Variants in CRIP1 observed in about 807,000 individuals in gnomAD.
CRIP1 encodes the protein cysteine-rich protein 1.
Under a neutral mutation model 12.9 loss-of-function variants are expected in CRIP1, and 11 were observed. The observed-to-expected ratio is 0.86, with a 90% CI of 0.54 to 1.42. The LOEUF is 1.42. Ranked by LOEUF, CRIP1 falls within the 40% of genes most tolerant of loss-of-function variation. The pLI is 0.00. For synonymous variants in CRIP1, 41 were observed against 37.2 expected, an observed-to-expected ratio of 1.10 and a Z score of -0.37; for missense variants, 122 against 101.3, an observed-to-expected ratio of 1.20 and a Z score of -0.88.
rs1404215790 is a variant in CRIP1 at position 105,488,650 on chromosome 14, T to C, written c.*6-13T>C. 3.2e-6 allele frequency: 3 copies of C among 936,880 alleles called. No homozygotes were observed. The highest frequency in any genetic ancestry group is 4.8e-5 in the Admixed American group (2 of 41,596). 58.0% of individuals were successfully genotyped at this position (936,880 alleles called of 1,614,324 possible). On this transcript the variant is annotated splice_polypyrimidine_tract_variant and intron_variant, in intron 5 of 5. Coordinates refer to ENST00000392531, the MANE Select transcript of CRIP1 (RefSeq NM_001311.5). ...CGCTGCACTCACGTCTGTGCCTGTC[T>C]CTCTCTGCACAGGTGGTGGAGACCC...
chr14:105,488,122 C>T lies in CRIP1; in HGVS notation c.41-44C>T, dbSNP rs370248457. ...GGGTACGCCAGTGGTGGGTAGGCGCCGCGTCCTGCAGCGTCTCACCGGGGC... is the reference window on the plus strand; with the variant it reads ...GGGTACGCCAGTGGTGGGTAGGCGCTGCGTCCTGCAGCGTCTCACCGGGGC... On this transcript the variant is annotated intron_variant, in intron 2 of 5. Coordinates refer to ENST00000392531, the MANE Select transcript of CRIP1 (RefSeq NM_001311.5). 33 of 1,579,988 alleles carry T rather than the reference C, an allele frequency of 2.1e-5. 1 individual carries two copies. The highest frequency in any genetic ancestry group is 1.7e-4 in the South Asian group (15 of 88,086).
In CRIP1 at chr14:105,488,647, GTCTC is replaced by G; in HGVS notation, c.*6-10_*6-7del. 3.2e-6 allele frequency: 3 copies of G among 947,808 alleles called. No individual in the cohort carries two copies. Among genetic ancestry groups the G allele is most frequent in the Non-Finnish European group, 4.8e-6 (3 of 620,836 alleles). The allele number at this position is 947,808 out of a possible 1,614,324, so 58.7% of individuals were successfully genotyped here. ...GGACGCTGCACTCACGTCTGTGCCT[GTCTC>G]TCTCTGCACAGGTGGTGGAGACCCC... On this transcript the variant is annotated splice_polypyrimidine_tract_variant and intron_variant, in intron 5 of 5. Coordinates refer to ENST00000392531, the MANE Select transcript of CRIP1 (RefSeq NM_001311.5).
At chr14:105,487,372 G>A (rs1384461865) in intron 2 of CRIP1, 73 bp downstream of exon 2, 3 of 1,373,472 alleles carry the variant, frequency 2.2e-6, no homozygotes, top group Non-Finnish European at 3.0e-6. Context: ...CGCTCAGGAG[G>A]ACCGGGGGCG....
intron 2 of CRIP1, chr14:105,487,577 C>A: frequency 2.5e-6 from 1 of 396,958 alleles, no homozygotes; most frequent in African/African-American, 2.1e-5. Flanking sequence ...GCCGTTTCCT[C>A]TCAGGCGCGC....
At chr14:105,487,158 C>CG in intron 1 of CRIP1, 41 bp from the exon 2 acceptor site, 15 of 1,486,862 alleles carry the variant, frequency 1.0e-5, no homozygotes, top group South Asian at 2.6e-5. Flanking sequence ...GGCGGGGTCC[C>CG]GGGGTCCCTG....
At position 105,487,213 on chromosome 14, in the gene CRIP1, C is replaced by T. The variant is rs2084128852; in HGVS notation, c.-47C>T. Reference sequence around the variant, plus strand: ...GATCCACCCAGTCTCGCGCCTGCAGCCCGTGCCGCCCCAGCCGCTGCCGCC... The same window carrying T: ...GATCCACCCAGTCTCGCGCCTGCAGTCCGTGCCGCCCCAGCCGCTGCCGCC... On this transcript the variant is annotated 5_prime_UTR_variant, in exon 2 of 6. Coordinates refer to ENST00000392531, the MANE Select transcript of CRIP1 (RefSeq NM_001311.5). 2 of 1,539,070 alleles carry T rather than the reference C, an allele frequency of 1.3e-6. No homozygotes were observed. Among genetic ancestry groups the T allele is most frequent in the East Asian group, 2.5e-5 (1 of 39,920 alleles).
intron 2 of CRIP1, 69 bp downstream of exon 2, chr14:105,487,368 G>A: frequency 1.1e-5 from 16 of 1,402,174 alleles, no homozygotes; most frequent in Non-Finnish European, 1.4e-5. Flanking sequence ...GGACCGCTCA[G>A]GAGGACCGGG....
intron 2 of CRIP1, 151 bp from the exon 3 acceptor site, chr14:105,488,006 TGGAGGGTGC>T (rs1229921195): frequency 6.2e-6 from 4 of 646,764 alleles, no homozygotes; most frequent in Non-Finnish European, 1.1e-5. Flanking sequence ...GTTCCCCTCA[TGGAGGGTGC>T]TGAGACCTTA....
intron 1 of CRIP1, 66 bp from the exon 2 acceptor site, chr14:105,487,133 G>C: frequency 2.1e-6 from 3 of 1,421,518 alleles, no homozygotes; most frequent in Non-Finnish European, 2.8e-6. Flanking sequence ...GGCGCGAGGG[G>C]CGGGGTCTCC....
intron 2 of CRIP1, chr14:105,487,645 G>C (rs1373057869): frequency 1.1e-5 from 3 of 261,424 alleles, no homozygotes; most frequent in Non-Finnish European, 2.2e-5. Flanking sequence ...GCGCCCCCCA[G>C]CGCTAAGTGG....
At position 105,488,872 on chromosome 14, in the gene CRIP1, G is replaced by A. The variant is rs2084155706; in HGVS notation, c.*215G>A. ...CCTGGCAGCAGGCTCTGCCACCGGC[G>A]CCTGCTCTTCTGCTGCCCATTGCCC... On this transcript the variant is annotated 3_prime_UTR_variant, in exon 6 of 6. Transcript: ENST00000392531. 6.4e-6 allele frequency: 2 copies of A among 313,194 alleles called. No homozygotes were observed. The highest frequency in any genetic ancestry group is 1.2e-5 in the Non-Finnish European group (2 of 167,160). 19.4% of individuals were successfully genotyped at this position (313,194 alleles called of 1,614,324 possible). A position where few individuals can be genotyped will look rare whatever the true frequency, so the allele number is the denominator to read the frequency against.
At chr14:105,488,058 A>T in intron 2 of CRIP1, 108 bp from the exon 3 acceptor site, 1 of 1,178,268 alleles carries the variant, frequency 8.5e-7, no homozygotes, top group Non-Finnish European at 1.2e-6. Flanking sequence ...GATGCGGGCT[A>T]AGTGCACAGG....
In CRIP1 at chr14:105,486,950, G is replaced by C. The variant is rs1595463557; in HGVS notation, c.-84G>C. On this transcript the variant is annotated 5_prime_UTR_variant, in exon 1 of 6. Transcript: ENST00000392531. ...TGGGCTAGGGGCGCGGCTTGAACTC[G>C]CCTAAAGAGCTGCGCCCTCTCAGTA... The C allele has an allele frequency of 3.4e-6, 4 of 1,187,200 alleles. No individual in the cohort carries two copies. The East Asian group carries it at 1.7e-4, about 51-fold the overall frequency. 73.5% of individuals were successfully genotyped at this position (1,187,200 alleles called of 1,614,324 possible).
In CRIP1 at chr14:105,487,200, C is replaced by T; in HGVS notation, c.-60C>T. 3.3e-6 allele frequency: 5 copies of T among 1,536,244 alleles called. No individual in the cohort carries two copies. The South Asian group carries it at 6.1e-5, about 19-fold the overall frequency. The stretch of plus-strand genomic sequence containing the variant: ...GCGGACCAGGCCGGATCCACCCAGT[C>T]TCGCGCCTGCAGCCCGTGCCGCCCC... On this transcript the variant is annotated splice_region_variant and 5_prime_UTR_variant, in exon 2 of 6. Coordinates refer to ENST00000392531, the MANE Select transcript of CRIP1 (RefSeq NM_001311.5).
rs904692807 is a variant in CRIP1, at chr14:105,487,244, C to T, written c.-16C>T. Reference sequence around the variant, plus strand: ...CCGCCCCAGCCGCTGCCGCCTGCACCGGACCCGGAGCCGTCATGCCCAAGT... The same window carrying T: ...CCGCCCCAGCCGCTGCCGCCTGCACTGGACCCGGAGCCGTCATGCCCAAGT... On this transcript the variant is annotated 5_prime_UTR_variant, in exon 2 of 6. Transcript: ENST00000392531. The T allele has an allele frequency of 9.1e-6, 14 of 1,543,756 alleles. No homozygotes were observed. The African/African-American group carries it at 1.5e-4, about 17-fold the overall frequency.
chr14:105,487,441 C>T, intron 2 of CRIP1, 142 bp downstream of exon 2: 1 of 675,668 alleles, frequency 1.5e-6, no homozygotes, highest in Non-Finnish European at 2.4e-6. Context: ...CGCCGCCTGC[C>T]CCGGGATGAG....
chr14:105,488,498 AC>A lies in CRIP1; in HGVS notation c.222del (p.His74GlnfsTer?). On this transcript the variant is annotated frameshift_variant, in exon 5 of 6. Coordinates refer to ENST00000392531, the MANE Select transcript of CRIP1 (RefSeq NM_001311.5). LOFTEE classifies it high-confidence loss of function. ...TTTGGGCGGGGCGGAGCCGAGAGCCACACTTTCAAGTAAACCAGGTAGGTAG... is the reference window on the plus strand; with the variant it reads ...TTTGGGCGGGGCGGAGCCGAGAGCCAACTTTCAAGTAAACCAGGTAGGTAG... ...KGFGRGGAES[H>X]TFK The A allele has an allele frequency of 6.4e-7, 1 of 1,568,568 alleles. No homozygotes were observed. The highest frequency in any genetic ancestry group is 8.6e-7 in the Non-Finnish European group (1 of 1,156,142).
rs2084146104 is a variant in CRIP1, at chr14:105,488,358, C to G, written c.163C>G (p.Pro55Ala). 6.2e-7 allele frequency: 1 copy of G among 1,613,364 alleles called. No individual in the cohort carries two copies. Among genetic ancestry groups the G allele is most frequent in the South Asian group, 1.1e-5 (1 of 91,094 alleles). Residue 55 changes from proline to alanine, a missense_variant, in exon 4 of 6, where the codon CCC becomes GCC. Transcript: ENST00000392531. ...EHEGKPYCNHPCYAAMFGPKG... is the reference protein window; with the variant it reads ...EHEGKPYCNHACYAAMFGPKG... ...CGAAGGCAAACCCTACTGCAACCAC[C>G]CCTGCTACGCAGCCATGTTTGGGCC...
At chr14:105,488,419 C>T (rs781825871) in intron 4 of CRIP1, 31 bp downstream of exon 4, 5 of 1,605,558 alleles carry the variant, frequency 3.1e-6, no homozygotes, top group South Asian at 2.2e-5. Flanking sequence ...CCCCACCCCA[C>T]CCCACAGCCT....
Sources: gnomAD v4.1 joint callset for allele counts on GRCh38, gnomAD v4.1.1 for gene constraint, MANE v1.5 for transcripts, NCBI Gene and HGNC (gene_info 2026-07-23, HGNC 2026-07-21) for gene names.